SPECC1: variants seen among roughly 807,000 people sequenced by gnomAD.
SPECC1 encodes sperm antigen with calponin homology and coiled-coil domains 1.
SPECC1 carries 62 observed loss-of-function variants against 104.1 expected under a neutral mutation model. That is an observed-to-expected ratio of 0.60 (90% confidence interval 0.49 to 0.74). The LOEUF is 0.74. Among genes scored for constraint, SPECC1 ranks in the 30% least tolerant of loss-of-function variants. SPECC1 has a pLI of 0.00. For synonymous variants in SPECC1, 513 were observed against 501.6 expected (o/e 1.02, Z -0.30); for missense variants, 1,306 against 1,310.5 (o/e 1.00, Z 0.05).
chr17:20,178,528 G>A (rs1326888479), intron 3 of SPECC1, among the ~76,000 whole-genome samples: 2 of 152,136 alleles, frequency 1.3e-5, no homozygotes, highest in Non-Finnish European at 2.9e-5. Context: ...AAATCAGAGA[G>A]GCAGAAGAAA....
chr17:20,287,109 G>A (rs981571765), intron 12 of SPECC1, among the ~76,000 whole-genome samples: 1 of 152,180 alleles, frequency 6.6e-6, no homozygotes, highest in Non-Finnish European at 1.5e-5. Context: ...GTCTGCAAGG[G>A]AACAGTAATT....
At chr17:20,219,321 ATGACTTT>A (rs2037713308) in intron 4 of SPECC1, among the ~76,000 whole-genome samples, 1 of 152,102 alleles carries the variant, frequency 6.6e-6, no homozygotes, top group Non-Finnish European at 1.5e-5. Flanking sequence ...TTTGTCATTC[ATGACTTT>A]TGAATAAAAG....
chr17:20,056,823 A>G (rs1027477086), intron 1 of SPECC1, among the ~76,000 whole-genome samples: 36 of 151,670 alleles, frequency 2.4e-4, no homozygotes, highest in African/African-American at 7.8e-4. Context: ...CTCTGAAGAG[A>G]AAAAAATAAT....
At chr17:20,161,262 T>G (rs1400199954) in intron 3 of SPECC1, among the ~76,000 whole-genome samples, 1 of 152,166 alleles carries the variant, frequency 6.6e-6, no homozygotes, top group African/African-American at 2.4e-5. Context: ...CCACTTCTAT[T>G]TCTTGACTCA....
At chr17:20,072,474 G>A (rs1259771249) in intron 1 of SPECC1, among the ~76,000 whole-genome samples, 3 of 152,174 alleles carry the variant, frequency 2.0e-5, no homozygotes, top group East Asian at 1.9e-4. Flanking sequence ...CAGGAGAGTG[G>A]GTGTTCCTCA....
chr17:20,229,349 A>T (rs1226794849), intron 5 of SPECC1, among the ~76,000 whole-genome samples: 1 of 152,104 alleles, frequency 6.6e-6, no homozygotes, highest in African/African-American at 2.4e-5. Context: ...GTTGTGCGTG[A>T]GTTCGGTGTT....
chr17:20,273,607 C>G (rs146208794), intron 12 of SPECC1, among the ~76,000 whole-genome samples: 1 of 152,146 alleles, frequency 6.6e-6, no homozygotes, highest in Non-Finnish European at 1.5e-5. Context: ...GAAGAGAGAA[C>G]GTTTGGAGCT....
chr17:20,222,806 A>G (rs953408896), intron 4 of SPECC1, among the ~76,000 whole-genome samples: 1 of 151,960 alleles, frequency 6.6e-6, no homozygotes, highest in Non-Finnish European at 1.5e-5. Context: ...CTGTTGATGA[A>G]ATTTCTTAGG....
chr17:20,229,176 A>G (rs950205839), intron 5 of SPECC1, among the ~76,000 whole-genome samples: 2 of 152,148 alleles, frequency 1.3e-5, no homozygotes, highest in Non-Finnish European at 2.9e-5. Context: ...GCTTAATACC[A>G]TGCTTTTAAC....
intron 10 of SPECC1, among the ~76,000 whole-genome samples, chr17:20,254,003 T>A (rs1254362724): frequency 6.6e-6 from 1 of 152,132 alleles, no homozygotes; most frequent in Non-Finnish European, 1.5e-5. Context: ...GCATATTTTC[T>A]AATCTTTAAA....
intron 1 of SPECC1, among the ~76,000 whole-genome samples, chr17:20,088,622 C>T (rs2047274025): frequency 6.6e-6 from 1 of 152,080 alleles, no homozygotes; most frequent in Non-Finnish European, 1.5e-5. Context: ...TGGTGAATAC[C>T]CCAAGATGAG....
intron 1 of SPECC1, among the ~76,000 whole-genome samples, chr17:20,082,377 A>C (rs2047007513): frequency 6.6e-6 from 1 of 152,140 alleles, no homozygotes; most frequent in Non-Finnish European, 1.5e-5. Context: ...AGGCAGGAGA[A>C]TTGCTTCATC....
At chr17:20,298,921 AAGAG>A (rs370856374) in intron 13 of SPECC1, among the ~76,000 whole-genome samples, 2,246 of 72,782 alleles carry the variant, frequency 0.031, 88 homozygotes, top group Middle Eastern at 0.082. Context: ...GCAGAACCAA[AAGAG>A]AGAGAGAGAG....
At chr17:20,021,184 G>T (rs2044360232) in intron 1 of SPECC1, among the ~76,000 whole-genome samples, 1 of 152,006 alleles carries the variant, frequency 6.6e-6, no homozygotes. Flanking sequence ...GAAGAAGAGG[G>T]GTTGGTCTTG....
intron 14 of SPECC1, among the ~76,000 whole-genome samples, chr17:20,307,880 A>G (rs2041814132): frequency 6.6e-6 from 1 of 152,236 alleles, no homozygotes; most frequent in South Asian, 2.1e-4. Context: ...CAAAATATCC[A>G]TCTAGACATA....
chr17:20,303,536 G>A (rs1455115642), intron 13 of SPECC1, among the ~76,000 whole-genome samples: 9 of 152,138 alleles, frequency 5.9e-5, no homozygotes, highest in Admixed American at 1.3e-4. Flanking sequence ...AAAACCCGTC[G>A]CTTCAGGCTC....
intron 7 of SPECC1, chr17:20,239,410 T>C: frequency 2.0e-6 from 1 of 510,640 alleles, no homozygotes; most frequent in Non-Finnish European, 2.6e-6. Flanking sequence ...TAATAAAAAT[T>C]GGATTATATT....
intron 3 of SPECC1, among the ~76,000 whole-genome samples, chr17:20,144,647 T>C (rs1056007046): frequency 4.6e-5 from 7 of 152,206 alleles, no homozygotes; most frequent in African/African-American, 1.4e-4. Context: ...TTGATTTTTC[T>C]GTTTTAGCAA....
intron 1 of SPECC1, among the ~76,000 whole-genome samples, chr17:20,019,866 TTGTCACTGGC>T (rs1213814636): frequency 1.3e-4 from 5 of 38,348 alleles, no homozygotes; most frequent in Non-Finnish European, 3.0e-4. Flanking sequence ...ACTGGCTTCT[TTGTCACTGGC>T]TTCTTTTCCG....
Sources: allele counts gnomAD v4.1 joint callset (sites outside exome capture counted in the v4.1 genomes callset), GRCh38; gene constraint gnomAD v4.1.1; transcripts MANE v1.5; gene names NCBI Gene and HGNC (gene_info 2026-07-23, HGNC 2026-07-21).